IGF2: variants seen among roughly 807,000 people sequenced by gnomAD.
The protein encoded by IGF2 is insulin like growth factor 2.
Under a neutral mutation model 12.0 loss-of-function variants are expected in IGF2, and 2 were observed. The ratio of observed to expected loss-of-function variants is 0.17; its 90% CI spans 0.07 to 0.52. IGF2 has a LOEUF of 0.52. IGF2 is among the 20% of genes least tolerant of loss of function. The pLI is 0.95. For synonymous variants in IGF2, 105 were observed against 110.1 expected (o/e 0.95, Z 0.29); for missense variants, 211 against 268.0 (o/e 0.79, Z 1.48).
upstream of IGF2, among the ~76,000 whole-genome samples, chr11:2,144,724 G>A (rs911883207): frequency 7.3e-5 from 11 of 151,332 alleles, no homozygotes; most frequent in African/African-American, 2.7e-4. Context: ...TTGGCGTTGG[G>A]CAATGTCGGG....
chr11:2,135,302 G>A, intron 2 of IGF2, 65 bp downstream of exon 2: 3 of 1,401,676 alleles, frequency 2.1e-6, no homozygotes, highest in Non-Finnish European at 2.9e-6. Context: ...GCTTGAGGTT[G>A]GGCGTCCTCA....
chr11:2,132,930 G>A lies in IGF2; in HGVS notation c.*57C>T. 8.5e-7 allele frequency: 1 copy of A among 1,179,040 alleles called. No individual in the cohort carries two copies. The highest frequency in any genetic ancestry group is 1.2e-6 in the Non-Finnish European group (1 of 841,426). The allele number at this position is 1,179,040 out of a possible 1,614,324, so 73.0% of individuals were successfully genotyped here. ...GATGGAACCTGATGGAAACGTCCGT[G>A]GTCAGGAGGAGGCTGCAGGATGGTG... is the stretch of plus-strand genomic sequence containing the variant. On this transcript the variant is annotated 3_prime_UTR_variant, in exon 4 of 4. Coordinates refer to ENST00000416167, the MANE Select transcript of IGF2 (RefSeq NM_000612.6).
At position 2,131,693 on chromosome 11, in the gene IGF2, G is replaced by GCA. The variant is rs1858579275; in HGVS notation, c.*1293_*1294insTG. 4.8e-6 allele frequency: 1 copy of GCA among 208,822 alleles called. No individual in the cohort carries two copies. Among genetic ancestry groups the GCA allele is most frequent in the African/African-American group, 2.4e-5 (1 of 42,298 alleles). The allele number at this position is 208,822 out of a possible 1,614,324, so 12.9% of individuals were successfully genotyped here. On this transcript the variant is annotated 3_prime_UTR_variant, in exon 4 of 4. Transcript: ENST00000416167. ...CTGTGTGCATGTGTGTGCTGTGTTT[G>GCA]TGTGTGTGCTGTGTGTGCTGTGTTC...
chr11:2,140,001 G>GGAGCCCCC (rs1859447072), upstream of IGF2: 3 of 777,526 alleles, frequency 3.9e-6, no homozygotes, highest in Admixed American at 8.4e-5. Flanking sequence ...CCGGAGCCCC[G>GGAGCCCCC]GAGCCCCCGC....
upstream of IGF2, among the ~76,000 whole-genome samples, chr11:2,143,775 T>G (rs1859743599): frequency 6.6e-6 from 1 of 152,256 alleles, no homozygotes; most frequent in African/African-American, 2.4e-5. Flanking sequence ...TTTAGAAGAC[T>G]TGGGAAGCAA....
chr11:2,132,897 A>AT lies in IGF2; in HGVS notation c.*89dup. ...CCCCAGGGGGACGTGGAACCGAGAG[A>AT]TTTTCGGGATGGAACCTGATGGAAA... On this transcript the variant is annotated 3_prime_UTR_variant, in exon 4 of 4. Transcript: ENST00000416167. 2.2e-6 allele frequency: 2 copies of AT among 917,662 alleles called. No homozygotes were observed. Among genetic ancestry groups the AT allele is most frequent in the Admixed American group, 2.7e-5 (1 of 37,286 alleles). 56.8% of individuals were successfully genotyped at this position (917,662 alleles called of 1,614,324 possible).
rs1318672678 is a variant in IGF2 at position 2,138,673 on chromosome 11, T to C, written c.-451A>G. The C allele has an allele frequency of 2.1e-6, 2 of 938,036 alleles. No homozygotes were observed. The highest frequency in any genetic ancestry group is 2.5e-6 in the Non-Finnish European group (2 of 810,398). The allele number at this position is 938,036 out of a possible 1,614,324, so 58.1% of individuals were successfully genotyped here. Reference sequence around the variant, plus strand: ...CAGAAAGCGTGTAATTAATCCACTTTGGTTCGGCGAAGGCGAGAGGGCGGG... The same window carrying C: ...CAGAAAGCGTGTAATTAATCCACTTCGGTTCGGCGAAGGCGAGAGGGCGGG... On this transcript the variant is annotated 5_prime_UTR_variant, in exon 1 of 4. Coordinates refer to ENST00000416167, the MANE Select transcript of IGF2 (RefSeq NM_000612.6).
intron 1 of IGF2, among the ~76,000 whole-genome samples, chr11:2,137,009 G>T (rs1340867037): frequency 6.6e-6 from 1 of 152,218 alleles, no homozygotes; most frequent in Middle Eastern, 3.2e-3. Context: ...AGCAGGTGAG[G>T]GAGCAGAGAC....
At chr11:2,147,581 T>C in the IGF2 span, 2 of 1,221,256 alleles carry the variant, frequency 1.6e-6, no homozygotes, top group Non-Finnish European at 2.0e-6. The surrounding 1 kb of genome is among the most constrained non-coding windows in gnomAD (Gnocchi z 7.2). Context: ...TGCCTCGCAG[T>C]TGGGGCTGAG....
upstream of IGF2, among the ~76,000 whole-genome samples, chr11:2,143,609 G>T (rs1265836289): frequency 1.3e-5 from 2 of 152,104 alleles, no homozygotes; most frequent in South Asian, 2.1e-4. Context: ...CCTGGAGGGG[G>T]TGTATAAAAC....
upstream of IGF2, among the ~76,000 whole-genome samples, chr11:2,144,705 G>A (rs1859808378): frequency 2.0e-5 from 3 of 152,160 alleles, no homozygotes; most frequent in South Asian, 6.2e-4. Context: ...GCAGGAACAA[G>A]GTCACCCCTT....
At position 2,133,292 on chromosome 11, in the gene IGF2, A is replaced by G; in HGVS notation, c.307-69T>C. The stretch of plus-strand genomic sequence containing the variant: ...CTCTTCCGCCTGAGCCGCCCGCCTG[A>G]CCTGACAGGCCACCCCTGTGACTGA... On this transcript the variant is annotated intron_variant, in intron 3 of 3. Coordinates refer to ENST00000416167, the MANE Select transcript of IGF2 (RefSeq NM_000612.6). This position sits in a 1 kb window ranked among gnomAD's most constrained non-coding sequence, Gnocchi z 8.9. 1.7e-6 allele frequency: 2 copies of G among 1,170,558 alleles called. No homozygotes were observed. The highest frequency in any genetic ancestry group is 1.2e-6 in the Non-Finnish European group (1 of 833,612). The allele number at this position is 1,170,558 out of a possible 1,614,324, so 72.5% of individuals were successfully genotyped here.
chr11:2,130,994 C>G lies in IGF2; in HGVS notation c.*1993G>C, dbSNP rs1029227979. 8.8e-6 allele frequency: 2 copies of G among 227,198 alleles called. No individual in the cohort carries two copies. Among genetic ancestry groups the G allele is most frequent in the Non-Finnish European group, 1.7e-5 (2 of 114,392 alleles). 14.1% of individuals were successfully genotyped at this position (227,198 alleles called of 1,614,324 possible). On this transcript the variant is annotated 3_prime_UTR_variant, in exon 4 of 4. Transcript: ENST00000416167. ...CATGTCTGCTCAGCTACCGCCATCT[C>G]CAATGTGGCCAAACTCCTTCCTCAC...
At chr11:2,146,496 C>G in the IGF2 span, 1 of 464,108 alleles carries the variant, frequency 2.2e-6, no homozygotes, top group African/African-American at 2.0e-5. Context: ...CACAGACCAC[C>G]CCAAGGCTGC....
chr11:2,145,086 G>A (rs551521371), upstream of IGF2, among the ~76,000 whole-genome samples: 2 of 151,982 alleles, frequency 1.3e-5, no homozygotes, highest in South Asian at 2.1e-4. Flanking sequence ...TCAAATTTCT[G>A]TCTGCATCAA....
At position 2,131,540 on chromosome 11, in the gene IGF2, CTGTGTGTGCA is replaced by C. The variant is rs933373252; in HGVS notation, c.*1437_*1446del. ...TATGTGCTGCGCATGAGTGTGTGTGCTGTGTGTGCATGTGTGTGCTGTGTGTTTGTGTGTG... is the reference window on the plus strand; with the variant it reads ...TATGTGCTGCGCATGAGTGTGTGTGCTGTGTGTGCTGTGTGTTTGTGTGTG... On this transcript the variant is annotated 3_prime_UTR_variant, in exon 4 of 4. Coordinates refer to ENST00000416167, the MANE Select transcript of IGF2 (RefSeq NM_000612.6). The C allele has an allele frequency of 5.1e-5, 11 of 215,346 alleles. No homozygotes were observed. Among genetic ancestry groups the C allele is most frequent in the African/African-American group, 1.4e-4 (6 of 42,012 alleles). 13.3% of individuals were successfully genotyped at this position (215,346 alleles called of 1,614,324 possible). A position where few individuals can be genotyped will look rare whatever the true frequency, so the allele number is the denominator to read the frequency against.
chr11:2,138,093 CT>C (rs1859216854), intron 1 of IGF2, 135 bp downstream of exon 1: 5 of 382,426 alleles, frequency 1.3e-5, no homozygotes, highest in South Asian at 1.1e-4. Context: ...CCTCCTCCTC[CT>C]CCCCCCCGGG....
Position 2,133,387 on chromosome 11 carries a change from A to G in IGF2, c.306+130T>C. The G allele has an allele frequency of 8.7e-7, 1 of 1,149,782 alleles. No individual in the cohort carries two copies. The allele number at this position is 1,149,782 out of a possible 1,614,324, so 71.2% of individuals were successfully genotyped here. A position where few individuals can be genotyped will look rare whatever the true frequency, so the allele number is the denominator to read the frequency against. On this transcript the variant is annotated intron_variant, in intron 3 of 3. Coordinates refer to ENST00000416167, the MANE Select transcript of IGF2 (RefSeq NM_000612.6). This position sits in a 1 kb window ranked among gnomAD's most constrained non-coding sequence, Gnocchi z 8.9. The stretch of plus-strand genomic sequence containing the variant: ...CCAGCGTCTGAGCTGCTCCCGGGCC[A>G]CACAGCAAGCAAGGAAGTCACGGGT...
chr11:2,140,378 CAGCCCCCCGCCGCCTAAGCCT>C (rs1384096789), upstream of IGF2: 9 of 1,336,846 alleles, frequency 6.7e-6, no homozygotes, highest in African/African-American at 8.9e-5. Flanking sequence ...CGCACCCCGC[CAGCCCCCCGCCGCCTAAGCCT>C]AGCCAAGGGG....
Sources: allele counts gnomAD v4.1 joint callset (sites outside exome capture counted in the v4.1 genomes callset), GRCh38; gene constraint gnomAD v4.1.1; non-coding constraint Gnocchi (gnomAD v3.1); transcripts MANE v1.5; gene names NCBI Gene and HGNC (gene_info 2026-07-23, HGNC 2026-07-21).